The following UGT1A9 variants were observed in gnomAD, a reference collection of about 807,000 sequenced individuals.
UGT1A9 encodes the protein UDP glucuronosyltransferase family 1 member A9.
In UGT1A9, 35 loss-of-function variants were observed where a neutral mutation model predicts 45.0. That is an observed-to-expected ratio of 0.78 (90% CI 0.59 to 1.03). UGT1A9 has a LOEUF of 1.03. Among genes scored for constraint, UGT1A9 ranks in the 50% least tolerant of loss-of-function variants. The probability of loss-of-function intolerance (pLI) is 0.00; values close to 1 mark genes in which losing one functional copy is unlikely to be tolerated. For synonymous variants in UGT1A9, 278 were observed against 250.6 expected, an observed-to-expected ratio of 1.11 and a Z score of -1.03; for missense variants, 687 against 666.6, an observed-to-expected ratio of 1.03 and a Z score of -0.34.
At chr2:233,705,963 C>T (rs980929573) in intron 1 of UGT1A9, among the ~76,000 whole-genome samples, 2 of 152,108 alleles carry the variant, frequency 1.3e-5, no homozygotes, top group East Asian at 1.9e-4. Flanking sequence ...GAGGTGCATG[C>T]CTGTGGTTCC....
intron 1 of UGT1A9, among the ~76,000 whole-genome samples, chr2:233,680,798 C>T (rs978800413): frequency 5.9e-5 from 9 of 152,222 alleles, no homozygotes; most frequent in African/African-American, 2.2e-4. Context: ...GGGCCCATAG[C>T]AAAGGCCTGC....
chr2:233,719,190 C>A (rs772886660), intron 1 of UGT1A9: 19 of 1,614,048 alleles, frequency 1.2e-5, no homozygotes, highest in Admixed American at 1.0e-4. Flanking sequence ...ATCTTTGGCC[C>A]TTCATAGGTG....
intron 1 of UGT1A9, among the ~76,000 whole-genome samples, chr2:233,711,791 G>C (rs1289968745): frequency 1.3e-5 from 2 of 152,218 alleles, no homozygotes; most frequent in African/African-American, 4.8e-5. Context: ...GCACAGCCCA[G>C]AGAGCCTGCC....
chr2:233,771,958 T>A (rs1232504862), intron 4 of UGT1A9, among the ~76,000 whole-genome samples: 1 of 152,108 alleles, frequency 6.6e-6, no homozygotes, highest in East Asian at 1.9e-4. Context: ...CTACAAAAAA[T>A]TTAAAAATTG....
intron 1 of UGT1A9, among the ~76,000 whole-genome samples, chr2:233,720,593 A>G (rs12468543): frequency 0.08 from 12,154 of 152,072 alleles, 627 homozygotes; most frequent in East Asian, 0.2. Context: ...TTCAGAGGTG[A>G]CTTTCATTAA....
intron 1 of UGT1A9, chr2:233,760,248 A>ATT (rs606231201): frequency 6.2e-7 from 1 of 1,609,150 alleles, no homozygotes; most frequent in South Asian, 1.1e-5. Context: ...ATATATATAT[A>ATT]AGTAGGAGAG....
At chr2:233,719,999 T>G (rs1373065524) in intron 1 of UGT1A9, among the ~76,000 whole-genome samples, 1 of 152,178 alleles carries the variant, frequency 6.6e-6, no homozygotes, top group East Asian at 1.9e-4. Context: ...GACACTACAT[T>G]CAGAACTGAT....
intron 1 of UGT1A9, among the ~76,000 whole-genome samples, chr2:233,750,053 G>A (rs1694341640): frequency 6.6e-6 from 1 of 151,850 alleles, no homozygotes. Flanking sequence ...ATGTGGAAGT[G>A]ACTTTGGAAC....
At chr2:233,694,232 G>C (rs1484971413) in intron 1 of UGT1A9, among the ~76,000 whole-genome samples, 1 of 151,986 alleles carries the variant, frequency 6.6e-6, no homozygotes, top group Non-Finnish European at 1.5e-5. Context: ...CCCATGCTTT[G>C]TCTCTGGACC....
chr2:233,752,890 C>T lies in UGT1A9; in HGVS notation c.856-14144C>T, dbSNP rs537828663. Among the ~76,000 whole-genome samples, 6 of 152,322 alleles carry T rather than the reference C, an allele frequency of 3.9e-5. No homozygotes were observed. In the East Asian group the frequency reaches 1.2e-3, roughly 29 times the overall value. On this transcript the variant is annotated intron_variant, in intron 1 of 4. Coordinates refer to ENST00000354728, the MANE Select transcript of UGT1A9 (RefSeq NM_021027.3). Reference sequence around the variant, plus strand: ...GCTTTCAACTGTTAAAACTAGCCAGCGTTGTTACAGATCCACCTCTGAGTG... The same window carrying T: ...GCTTTCAACTGTTAAAACTAGCCAGTGTTGTTACAGATCCACCTCTGAGTG...
At chr2:233,766,869 G>A (rs1460136088) in intron 1 of UGT1A9, among the ~76,000 whole-genome samples, 165 bp from the exon 2 acceptor site, 1 of 152,162 alleles carries the variant, frequency 6.6e-6, no homozygotes, top group African/African-American at 2.4e-5. Context: ...GTAAAGGAGA[G>A]GAAAATGCTG....
intron 1 of UGT1A9, chr2:233,721,797 A>G (rs7597496): frequency 0.51 from 260,053 of 511,456 alleles, 70,587 homozygotes; most frequent in African/African-American, 0.82. Context: ...TTTAAAGCAC[A>G]TGCAGCAAAA....
At chr2:233,747,897 G>T in intron 1 of UGT1A9, 2 of 1,613,482 alleles carry the variant, frequency 1.2e-6, no homozygotes, top group Non-Finnish European at 1.7e-6. Flanking sequence ...TGCTCTTTCT[G>T]CTCCTTATGC....
At chr2:233,730,116 T>C in intron 1 of UGT1A9, 1 of 1,558,872 alleles carries the variant, frequency 6.4e-7, no homozygotes, top group Non-Finnish European at 8.7e-7. Flanking sequence ...TGCTTCTCCT[T>C]GTCATAATAG....
intron 2 of UGT1A9, 25 bp downstream of exon 2, chr2:233,767,190 T>G: frequency 6.2e-7 from 1 of 1,613,838 alleles, no homozygotes; most frequent in Non-Finnish European, 8.5e-7. Flanking sequence ...TACCATGGCC[T>G]CATATCTATT....
intron 1 of UGT1A9, among the ~76,000 whole-genome samples, chr2:233,746,471 A>G (rs538596800): frequency 6.6e-6 from 1 of 151,696 alleles, no homozygotes; most frequent in Non-Finnish European, 1.5e-5. Context: ...GGGTTCCAGA[A>G]ACACTTTCCA....
At chr2:233,760,797 C>T in intron 1 of UGT1A9, 1 of 1,613,492 alleles carries the variant, frequency 6.2e-7, no homozygotes, top group Non-Finnish European at 8.5e-7. Context: ...CCACTGTATT[C>T]TTCTTGCATG....
At position 233,767,839 on chromosome 2, in the gene UGT1A9, C is replaced by A; in HGVS notation, c.988-10C>A. The A allele has an allele frequency of 6.2e-7, 1 of 1,614,144 alleles. No individual in the cohort carries two copies. Among genetic ancestry groups the A allele is most frequent in the Non-Finnish European group, 8.5e-7 (1 of 1,180,028 alleles). ...CTTTCTTTACGTTCTGCTCTTTTTG[C>A]CCCTCCCAGGTCCTGTGGCGGTACA... On this transcript the variant is annotated splice_polypyrimidine_tract_variant and intron_variant, in intron 2 of 4. Coordinates refer to ENST00000354728, the MANE Select transcript of UGT1A9 (RefSeq NM_021027.3).
rs942843599 is a variant in UGT1A9, at chr2:233,747,037, A to G, written c.856-19997A>G. Among the ~76,000 whole-genome samples the G allele has an allele frequency of 1.1e-4, 16 of 151,986 alleles. 1 individual carries two copies. Among genetic ancestry groups the G allele is most frequent in the African/African-American group, 3.9e-4 (16 of 41,218 alleles). ...ATCGGTCTTTCCCGAAGTGGGACCC[A>G]TAATGAAAGACAATGATTGGTTAAT... is the stretch of plus-strand genomic sequence containing the variant. On this transcript the variant is annotated intron_variant, in intron 1 of 4. Transcript: ENST00000354728.
Sources: allele counts gnomAD v4.1 joint callset (sites outside exome capture counted in the v4.1 genomes callset), GRCh38; gene constraint gnomAD v4.1.1; transcripts MANE v1.5; gene names NCBI Gene and HGNC (gene_info 2026-07-23, HGNC 2026-07-21).